Variants in SEMA6D observed in about 807,000 individuals in gnomAD.
SEMA6D encodes the protein semaphorin 6D, also known as semaphorin-6D.
A neutral mutation model predicts 106.6 loss-of-function variants in SEMA6D; 35 were observed. That is an observed-to-expected ratio of 0.33 (90% CI 0.25 to 0.44). The LOEUF (loss-of-function observed/expected upper bound fraction) is 0.44. Among genes scored for constraint, SEMA6D ranks in the 20% least tolerant of loss-of-function variants. The pLI, the probability that SEMA6D is intolerant of heterozygous loss-of-function variation, is 1.00. For missense variants in SEMA6D, 1,185 were observed against 1,345.9 expected (o/e 0.88, Z 1.87); for synonymous variants, 499 against 487.7 (o/e 1.02, Z -0.31).
chr15:47,521,943 C>G (rs2044595456), intron 3 of SEMA6D, among the ~76,000 whole-genome samples: 1 of 151,750 alleles, frequency 6.6e-6, no homozygotes, highest in Non-Finnish European at 1.5e-5. Context: ...CGAGATGGCG[C>G]CACTGCACTC....
chr15:47,361,212 G>C (rs1317895157), intron 1 of SEMA6D, among the ~76,000 whole-genome samples: 1 of 152,158 alleles, frequency 6.6e-6, no homozygotes, highest in African/African-American at 2.4e-5. Flanking sequence ...TATGTGGAGA[G>C]AGAAATCCCT....
rs779959160 is a variant in SEMA6D, at chr15:47,764,215, T to C, written c.1007T>C (p.Ile336Thr). 1 of 1,613,764 alleles carries C rather than the reference T, an allele frequency of 6.2e-7. No homozygotes were observed. Among genetic ancestry groups the C allele is most frequent in the East Asian group, 2.2e-5 (1 of 44,852 alleles). Reference protein sequence around the residue: ...SAVCAFSMDDIEKVFKGRFKE... With the variant: ...SAVCAFSMDDTEKVFKGRFKE... ...GTCTGTGCATTTAGCATGGATGACA[T>C]TGAAAAAGTATTCAAAGGACGGTTT... The change falls in exon 11 of 19, where the codon ATT becomes ACT. Residue 336 changes from isoleucine (I) to threonine (T), a missense_variant. By Grantham distance (89) the Ile-to-Thr change is moderately conservative. Transcript: ENST00000536845.
intron 3 of SEMA6D, among the ~76,000 whole-genome samples, chr15:47,547,390 T>C (rs938337068): frequency 6.6e-6 from 1 of 152,178 alleles, no homozygotes; most frequent in Non-Finnish European, 1.5e-5. Flanking sequence ...GCCTAAAGCT[T>C]GGGAAAGACC....
intron 1 of SEMA6D, among the ~76,000 whole-genome samples, chr15:47,410,276 C>T (rs1029702569): frequency 1.3e-5 from 2 of 152,122 alleles, no homozygotes; most frequent in African/African-American, 4.8e-5. Flanking sequence ...AGCCACTGCA[C>T]CTGGCTAGAA....
chr15:47,300,308 GA>G (rs755678834), intron 1 of SEMA6D, among the ~76,000 whole-genome samples: 3 of 152,038 alleles, frequency 2.0e-5, no homozygotes, highest in Non-Finnish European at 4.4e-5. Flanking sequence ...TGGGCCACTT[GA>G]AAACTTATGA....
chr15:47,308,576 T>G (rs2143011972), intron 1 of SEMA6D, among the ~76,000 whole-genome samples: 1 of 152,308 alleles, frequency 6.6e-6, no homozygotes, highest in African/African-American at 2.4e-5. Context: ...CCAAAGGCTC[T>G]TTGGCAGAAG....
chr15:47,301,327 G>C (rs2036008833), intron 1 of SEMA6D, among the ~76,000 whole-genome samples: 1 of 152,192 alleles, frequency 6.6e-6, no homozygotes, highest in African/African-American at 2.4e-5. Flanking sequence ...ATGCTAGAGG[G>C]AGCAGAGGCT....
At chr15:47,293,924 G>A (rs2035696090) in intron 1 of SEMA6D, among the ~76,000 whole-genome samples, 1 of 152,138 alleles carries the variant, frequency 6.6e-6, no homozygotes, top group Non-Finnish European at 1.5e-5. Context: ...AGCTTTGTCA[G>A]TCCAAAAAAT....
intron 1 of SEMA6D, among the ~76,000 whole-genome samples, chr15:47,245,513 A>G (rs146706413): frequency 9.3e-4 from 142 of 152,314 alleles, no homozygotes; most frequent in African/African-American, 3.1e-3. Flanking sequence ...GAACTCTCAG[A>G]TGGGGCCAGA....
intron 1 of SEMA6D, among the ~76,000 whole-genome samples, chr15:47,243,252 A>G (rs1005716196): frequency 6.6e-6 from 1 of 152,098 alleles, no homozygotes; most frequent in African/African-American, 2.4e-5. Flanking sequence ...TGTTGCGCAT[A>G]CCCAGACTTC....
At chr15:47,719,239 G>T (rs1328125869) in intron 1 of SEMA6D, among the ~76,000 whole-genome samples, 1 of 152,116 alleles carries the variant, frequency 6.6e-6, no homozygotes, top group East Asian at 1.9e-4. Flanking sequence ...GTTCTGGGGT[G>T]ACCATTCGGT....
At chr15:47,431,807 G>A (rs1008463851) in intron 2 of SEMA6D, among the ~76,000 whole-genome samples, 1 of 152,100 alleles carries the variant, frequency 6.6e-6, no homozygotes, top group Non-Finnish European at 1.5e-5. Flanking sequence ...GAAAATGCTC[G>A]TGACATCATG....
At chr15:47,386,536 G>A (rs1320430105) in intron 1 of SEMA6D, among the ~76,000 whole-genome samples, 2 of 152,180 alleles carry the variant, frequency 1.3e-5, no homozygotes, top group African/African-American at 2.4e-5. Context: ...CTAGATAGGC[G>A]TGCAGTCTAA....
chr15:47,286,145 G>T (rs1174672672), intron 1 of SEMA6D, among the ~76,000 whole-genome samples: 1 of 152,050 alleles, frequency 6.6e-6, no homozygotes, highest in African/African-American at 2.4e-5. Flanking sequence ...TATCTCCTTG[G>T]TCTCTGAAAC....
intron 1 of SEMA6D, among the ~76,000 whole-genome samples, chr15:47,409,035 T>G (rs1460882415): frequency 6.6e-6 from 1 of 152,238 alleles, no homozygotes; most frequent in Non-Finnish European, 1.5e-5. Context: ...ACTTCAAGTA[T>G]TATTGTCTGA....
intron 1 of SEMA6D, among the ~76,000 whole-genome samples, chr15:47,193,794 G>A (rs949414011): frequency 3.3e-5 from 5 of 151,910 alleles, no homozygotes; most frequent in Non-Finnish European, 4.4e-5. Flanking sequence ...CCTTCTCCTT[G>A]AAAAGCCTGT....
intron 4 of SEMA6D, among the ~76,000 whole-genome samples, chr15:47,601,117 A>AG (rs879279590): frequency 2.0e-5 from 3 of 151,958 alleles, no homozygotes; most frequent in Admixed American, 6.6e-5. Context: ...AGAGAGAGAG[A>AG]AAGAGAGAGA....
At chr15:47,403,041 G>T (rs542425685) in intron 1 of SEMA6D, among the ~76,000 whole-genome samples, 1 of 152,156 alleles carries the variant, frequency 6.6e-6, no homozygotes, top group Non-Finnish European at 1.5e-5. Context: ...TGCATTCTGG[G>T]CTAGTCCAGA....
chr15:47,400,517 C>A (rs2040364728), intron 1 of SEMA6D, among the ~76,000 whole-genome samples: 1 of 143,742 alleles, frequency 7.0e-6, no homozygotes, highest in Non-Finnish European at 1.5e-5. Context: ...TTCCTATACA[C>A]TTTTATTTAA....
Sources: allele counts gnomAD v4.1 joint callset (sites outside exome capture counted in the v4.1 genomes callset), GRCh38; gene constraint gnomAD v4.1.1; transcripts MANE v1.5; gene names NCBI Gene and HGNC (gene_info 2026-07-23, HGNC 2026-07-21).